LIN54: variants seen among roughly 807,000 people sequenced by gnomAD.
LIN54 encodes the protein protein lin-54 homolog.
LIN54 carries 9 observed loss-of-function variants against 78.7 expected under a neutral mutation model. The ratio of observed to expected loss-of-function variants is 0.11; its 90% CI spans 0.07 to 0.20. The LOEUF (loss-of-function observed/expected upper bound fraction) is 0.20, where lower values mean the gene tolerates loss of function less well. Among genes scored for constraint, LIN54 ranks in the 10% least tolerant of loss-of-function variants. LIN54 has a pLI of 1.00. For missense variants in LIN54, 573 were observed against 889.9 expected (o/e 0.64, Z 4.53); for synonymous variants, 269 against 318.4 (o/e 0.84, Z 1.65).
chr4:82,994,066 T>C (rs1727979918), intron 1 of LIN54, among the ~76,000 whole-genome samples: 3 of 152,172 alleles, frequency 2.0e-5, no homozygotes, highest in South Asian at 2.1e-4. Flanking sequence ...AACTTTCTTC[T>C]TTTTTACAGT....
At chr4:83,006,224 C>T (rs187358566) in intron 1 of LIN54, among the ~76,000 whole-genome samples, 7 of 152,026 alleles carry the variant, frequency 4.6e-5, no homozygotes, top group Admixed American at 2.0e-4. Context: ...CTGAGGTGGG[C>T]GGACCATGAG....
chr4:82,969,595 C>A (rs910560620), intron 4 of LIN54, among the ~76,000 whole-genome samples: 4 of 152,182 alleles, frequency 2.6e-5, no homozygotes, highest in Non-Finnish European at 5.9e-5. Flanking sequence ...AAATGTTTAA[C>A]GTTTGTTCTA....
intron 3 of LIN54, among the ~76,000 whole-genome samples, chr4:82,974,229 A>G (rs551211900): frequency 1.3e-5 from 2 of 152,016 alleles, no homozygotes; most frequent in East Asian, 3.9e-4. Flanking sequence ...AACAAACCAA[A>G]AAAAAAAGGT....
At chr4:82,968,679 C>T (rs1164798868) in intron 4 of LIN54, among the ~76,000 whole-genome samples, 1 of 152,122 alleles carries the variant, frequency 6.6e-6, no homozygotes, top group African/African-American at 2.4e-5. Context: ...CAGGTAGGGG[C>T]CTGCCATTAG....
chr4:82,954,727 C>G (rs1181350023), intron 4 of LIN54, among the ~76,000 whole-genome samples: 3 of 152,186 alleles, frequency 2.0e-5, no homozygotes, highest in African/African-American at 7.2e-5. Context: ...ACACAATCAA[C>G]TGACCTCTAA....
At position 83,002,098 on chromosome 4, in the gene LIN54, G is replaced by T. The variant is rs975810190; in HGVS notation, c.-33+8386C>A. Among the ~76,000 whole-genome samples the T allele has an allele frequency of 5.3e-5, 8 of 151,190 alleles. 1 individual carries two copies. The highest frequency in any genetic ancestry group is 4.2e-4 in the South Asian group (2 of 4,774). ...GCCAGACAATGAGAAAGAAGATGTAGAAGAAGCACAGAAAACGAACTGACA... is the reference window on the plus strand; with the variant it reads ...GCCAGACAATGAGAAAGAAGATGTATAAGAAGCACAGAAAACGAACTGACA... On this transcript the variant is annotated intron_variant, in intron 1 of 12. Transcript: ENST00000340417.
chr4:82,950,719 T>G (rs771370785), intron 4 of LIN54, among the ~76,000 whole-genome samples: 1 of 152,130 alleles, frequency 6.6e-6, no homozygotes, highest in Non-Finnish European at 1.5e-5. Context: ...TTGCAAGACA[T>G]TTCTTTTTGT....
upstream of LIN54, chr4:83,010,885 T>C (rs1396792939): frequency 6.7e-6 from 7 of 1,045,154 alleles, no homozygotes; most frequent in African/African-American, 1.9e-4. Context: ...CACACCCACA[T>C]ATCCGGGGAA....
chr4:82,928,418 G>A (rs1262565957), intron 12 of LIN54, 115 bp from the exon 13 acceptor site: 18 of 831,172 alleles, frequency 2.2e-5, no homozygotes, highest in Non-Finnish European at 3.6e-5. Context: ...CCAGCAGGAT[G>A]AGCATCACAA....
At chr4:83,012,448 T>C (rs1310395788), upstream of LIN54, among the ~76,000 whole-genome samples, 2 of 152,062 alleles carry the variant, frequency 1.3e-5, no homozygotes, top group Non-Finnish European at 2.9e-5. Flanking sequence ...GGGTGGCTTG[T>C]TGGGTCGCGC....
intron 3 of LIN54, among the ~76,000 whole-genome samples, chr4:82,971,227 T>G (rs1382087703): frequency 6.6e-6 from 1 of 152,234 alleles, no homozygotes; most frequent in Non-Finnish European, 1.5e-5. Flanking sequence ...TCTAGCTTTC[T>G]TCCATTCTGG....
In LIN54 at chr4:82,984,665, G is replaced by A. The variant is rs139730866; in HGVS notation, c.180C>T (p.Pro60=). 1.4e-5 allele frequency: 23 copies of A among 1,614,038 alleles called. No homozygotes were observed. In the African/African-American group the frequency reaches 2.7e-4, roughly 19 times the overall value. The stretch of plus-strand genomic sequence containing the variant: ...ACACTGTGATTGGTTCCGTGGAAAT[G>A]GGCGTGGCTGTAGAGTCACCAGTAG... ...INSTGDSTAT[P]ISTEPITVYS... The change falls in exon 2 of 13, where the codon CCC becomes CCT. Residue 60 remains proline (P), a synonymous_variant. Transcript: ENST00000340417.
intron 11 of LIN54, among the ~76,000 whole-genome samples, chr4:82,931,522 C>T (rs904368936): frequency 2.0e-5 from 3 of 152,134 alleles, no homozygotes; most frequent in African/African-American, 7.2e-5. Context: ...TATAGATGAC[C>T]TCCCATTTAT....
intron 5 of LIN54, among the ~76,000 whole-genome samples, chr4:82,941,401 A>G (rs965689421): frequency 6.6e-6 from 1 of 152,142 alleles, no homozygotes; most frequent in Non-Finnish European, 1.5e-5. Context: ...TAACGCAGAC[A>G]AATACAGGCA....
intron 4 of LIN54, among the ~76,000 whole-genome samples, chr4:82,957,032 A>G (rs1265581487): frequency 2.0e-5 from 3 of 152,210 alleles, no homozygotes; most frequent in Non-Finnish European, 4.4e-5. Flanking sequence ...AGTCACCTCA[A>G]TTCCACAACA....
intron 5 of LIN54, among the ~76,000 whole-genome samples, chr4:82,943,885 T>C (rs12499234): frequency 0.42 from 62,403 of 147,464 alleles, 16,522 homozygotes; most frequent in Admixed American, 0.58. Flanking sequence ...TTTTTTTTTT[T>C]TGAGACAGAG....
Position 82,997,172 on chromosome 4 carries a change from GAGA to G in LIN54, c.-32-12299_-32-12297del, listed in dbSNP as rs771838919. ...CTGAACAATGAATAAAGTAATCATA[GAGA>G]AGGAGTGTCACCTAAACTGTAGAAT... is the stretch of plus-strand genomic sequence containing the variant. On this transcript the variant is annotated intron_variant, in intron 1 of 12. Transcript: ENST00000340417. Among the ~76,000 whole-genome samples the G allele has an allele frequency of 1.4e-4, 22 of 152,072 alleles. 1 individual carries two copies. The highest frequency in any genetic ancestry group is 2.6e-4 in the Non-Finnish European group (18 of 67,998).
chr4:82,998,123 GA>G (rs1728399444), intron 1 of LIN54, among the ~76,000 whole-genome samples: 1 of 150,372 alleles, frequency 6.7e-6, no homozygotes, highest in East Asian at 1.9e-4. Flanking sequence ...TACTATTGCA[GA>G]AACACTGTTC....
At chr4:82,942,887 CA>C (rs1560728164) in intron 5 of LIN54, among the ~76,000 whole-genome samples, 2,320 of 151,154 alleles carry the variant, frequency 0.015, 25 homozygotes, top group Non-Finnish European at 0.02. Context: ...CACACACACA[CA>C]CACACCCTCC....
Sources: allele counts gnomAD v4.1 joint callset (sites outside exome capture counted in the v4.1 genomes callset), GRCh38; gene constraint gnomAD v4.1.1; transcripts MANE v1.5; gene names NCBI Gene and HGNC (gene_info 2026-07-23, HGNC 2026-07-21).